MYCBP2: variants seen among roughly 807,000 people sequenced by gnomAD.
MYCBP2 encodes the protein MYC binding protein 2.
Under a neutral mutation model 525.3 loss-of-function variants are expected in MYCBP2, and 120 were observed. The observed-to-expected ratio is 0.23, with a 90% CI of 0.20 to 0.27. MYCBP2 has a LOEUF of 0.27. Among genes scored for constraint, MYCBP2 ranks in the 10% least tolerant of loss-of-function variants. The pLI, the probability that MYCBP2 is intolerant of heterozygous loss-of-function variation, is 1.00. For synonymous variants in MYCBP2, 1,894 were observed against 1,955.8 expected (o/e 0.97, Z 0.83); for missense variants, 4,149 against 5,657.1 (o/e 0.73, Z 8.55).
chr13:77,097,016 G>A (rs1281164268), intron 56 of MYCBP2, among the ~76,000 whole-genome samples: 1 of 152,096 alleles, frequency 6.6e-6, no homozygotes, highest in African/African-American at 2.4e-5. Context: ...AATTTAATTT[G>A]CAATTCTGAA....
chr13:77,217,361 G>A (rs1265540151), intron 21 of MYCBP2, among the ~76,000 whole-genome samples: 3 of 152,134 alleles, frequency 2.0e-5, no homozygotes, highest in African/African-American at 2.4e-5. Flanking sequence ...GGGAGAGAAT[G>A]TGCACAAGCG....
At position 77,326,624 on chromosome 13, in the gene MYCBP2, A is replaced by AGCCCCG; in HGVS notation, c.146_151dup (p.Gly50_Leu51insProGly). 1 of 1,561,162 alleles carries AGCCCCG rather than the reference A, an allele frequency of 6.4e-7. No homozygotes were observed. Among genetic ancestry groups the AGCCCCG allele is most frequent in the Non-Finnish European group, 8.6e-7 (1 of 1,157,168 alleles). ...GTCCGCGGCGGGTAGCCCCAGCCCC[A>AGCCCCG]GCCCCGCAGCAGCCACGGAGCCGTC... is the stretch of plus-strand genomic sequence containing the variant. On this transcript the variant is annotated inframe_insertion, in exon 1 of 83. Coordinates refer to ENST00000544440, the MANE Select transcript of MYCBP2 (RefSeq NM_015057.5). The surrounding 1 kb of genome is among the most constrained non-coding windows in gnomAD (Gnocchi z 4.2).
In MYCBP2 at chr13:77,045,195, G is replaced by A; in HGVS notation, c.*183C>T. On this transcript the variant is annotated 3_prime_UTR_variant, in exon 83 of 83. Coordinates refer to ENST00000544440, the MANE Select transcript of MYCBP2 (RefSeq NM_015057.5). ...CAAAAGAAGATAAACCAAAATAATG[G>A]GGAAACTTTTCATAGCAAGAATTAT... 1 of 481,722 alleles carries A rather than the reference G, an allele frequency of 2.1e-6. No individual in the cohort carries two copies. The highest frequency in any genetic ancestry group is 3.7e-6 in the Non-Finnish European group (1 of 272,940). The allele number at this position is 481,722 out of a possible 1,614,324, so 29.8% of individuals were successfully genotyped here.
In MYCBP2 at chr13:77,176,644, G is replaced by A; in HGVS notation, c.5341-16C>T. ...CATGTTCACTCTAAAAAAAAAAAAT[G>A]AAACACAAAAATTCCAACAGACTCT... On this transcript the variant is annotated splice_polypyrimidine_tract_variant and intron_variant, in intron 35 of 82. Coordinates refer to ENST00000544440, the MANE Select transcript of MYCBP2 (RefSeq NM_015057.5). 2 of 1,454,088 alleles carry A rather than the reference G, an allele frequency of 1.4e-6. No individual in the cohort carries two copies. Among genetic ancestry groups the A allele is most frequent in the South Asian group, 3.2e-5 (2 of 61,918 alleles). The allele number at this position is 1,454,088 out of a possible 1,614,324, so 90.1% of individuals were successfully genotyped here.
At chr13:77,273,379 G>A (rs1391370269) in intron 5 of MYCBP2, 93 bp downstream of exon 5, 2 of 1,082,964 alleles carry the variant, frequency 1.8e-6, no homozygotes, top group African/African-American at 3.2e-5. Flanking sequence ...ACTGTAATGA[G>A]TGAGAAAAAG....
At chr13:77,262,217 C>G in intron 10 of MYCBP2, 88 bp from the exon 11 acceptor site, 1 of 1,068,910 alleles carries the variant, frequency 9.4e-7, no homozygotes, top group Non-Finnish European at 1.3e-6. Context: ...ATTGCAATGT[C>G]AATTCAAAAT....
chr13:77,316,040 A>G (rs2154379280), intron 1 of MYCBP2, among the ~76,000 whole-genome samples: 1 of 152,250 alleles, frequency 6.6e-6, no homozygotes, highest in East Asian at 1.9e-4. Context: ...CTGTAAGATT[A>G]ATTTGTAGTT....
At chr13:77,061,902 G>C in intron 74 of MYCBP2, 112 bp from the exon 75 acceptor site, 2 of 1,115,248 alleles carry the variant, frequency 1.8e-6, no homozygotes, top group Non-Finnish European at 2.4e-6. Flanking sequence ...AGTCTATTAA[G>C]AATTTAGAAT....
chr13:77,046,904 A>AAT (rs2035672864), intron 82 of MYCBP2, among the ~76,000 whole-genome samples: 1 of 152,102 alleles, frequency 6.6e-6, no homozygotes, highest in Non-Finnish European at 1.5e-5. Flanking sequence ...TGCCCACCCC[A>AAT]CCAGTGGGTG....
chr13:77,250,466 T>C (rs1002138212), intron 15 of MYCBP2, among the ~76,000 whole-genome samples: 2 of 152,170 alleles, frequency 1.3e-5, no homozygotes, highest in African/African-American at 2.4e-5. Flanking sequence ...AGCCAATTAT[T>C]ACAAAGCTGA....
At chr13:77,300,536 C>T (rs942745684) in intron 1 of MYCBP2, among the ~76,000 whole-genome samples, 13 of 152,172 alleles carry the variant, frequency 8.5e-5, no homozygotes, top group African/African-American at 2.7e-4. Flanking sequence ...AATTGGGCCT[C>T]ATTGGTCTGT....
At chr13:77,278,191 T>C (rs1283675068) in intron 4 of MYCBP2, among the ~76,000 whole-genome samples, 1 of 152,224 alleles carries the variant, frequency 6.6e-6, no homozygotes, top group Non-Finnish European at 1.5e-5. Context: ...TTATTTCCTT[T>C]TCCCCTGTTT....
At position 77,097,471 on chromosome 13, in the gene MYCBP2, G is replaced by C; in HGVS notation, c.9683C>G (p.Ala3228Gly). The stretch of plus-strand genomic sequence containing the variant: ...CTCTGGTCCTCCTACTGCCAGCTGG[G>C]CCATCTCTCCAAACAAATTACCCCT... Reference protein sequence around the residue: ...RPRGNLFGEMAQLAVGGPEKD... With the variant: ...RPRGNLFGEMGQLAVGGPEKD... Residue 3228 changes from alanine to glycine, a missense_variant, in exon 56 of 83, where the codon GCC becomes GGC. Ala to Gly is a moderately conservative substitution (Grantham distance 60). Around this residue, in one of 21 missense-constraint regions of MYCBP2, gnomAD observed 653 missense variants for 744.7 expected, o/e 0.88. Transcript: ENST00000544440. 1 of 1,613,378 alleles carries C rather than the reference G, an allele frequency of 6.2e-7. No individual in the cohort carries two copies. The highest frequency in any genetic ancestry group is 1.1e-5 in the South Asian group (1 of 91,056).
At position 77,140,259 on chromosome 13, in the gene MYCBP2, G is replaced by A. The variant is rs1255771074; in HGVS notation, c.7402-96C>T. 25 of 695,350 alleles carry A rather than the reference G, an allele frequency of 3.6e-5. No homozygotes were observed. The East Asian group carries it at 4.1e-4, about 11-fold the overall frequency. The allele number at this position is 695,350 out of a possible 1,614,324, so 43.1% of individuals were successfully genotyped here. A position where few individuals can be genotyped will look rare whatever the true frequency, so the allele number is the denominator to read the frequency against. ...AAAATTAAGCAGGTTTGAAAGTATC[G>A]TAATTCTTAATAAGGTTCCAGAATT... is the stretch of plus-strand genomic sequence containing the variant. On this transcript the variant is annotated intron_variant, in intron 50 of 82. Transcript: ENST00000544440.
intron 14 of MYCBP2, among the ~76,000 whole-genome samples, chr13:77,255,990 G>A (rs570717101): frequency 4.7e-4 from 71 of 152,018 alleles, no homozygotes; most frequent in African/African-American, 1.7e-3. Flanking sequence ...AAAAATTGAG[G>A]GCAAGAAGTA....
At chr13:77,129,012 AAAAC>A (rs1227953785) in intron 52 of MYCBP2, 14 of 387,676 alleles carry the variant, frequency 3.6e-5, no homozygotes, top group African/African-American at 2.9e-4. Context: ...CAGGAGTGAG[AAAAC>A]TCAATTGCAG....
At position 77,058,337 on chromosome 13, in the gene MYCBP2, C is replaced by T. The variant is rs2038573424; in HGVS notation, c.13210G>A (p.Glu4404Lys). The T allele has an allele frequency of 1.2e-6, 2 of 1,614,064 alleles. No individual in the cohort carries two copies. Among genetic ancestry groups the T allele is most frequent in the African/African-American group, 2.7e-5 (2 of 75,018 alleles). The stretch of plus-strand genomic sequence containing the variant: ...CCGTGTAGACAGGGCAGACAGTGCT[C>T]TTCGTTTTTAACACCCCCGCATGGA... ...GHPCGGVKNE[E>K]HCLPCLHGCD... Residue 4404 changes from glutamate to lysine, a missense_variant, in exon 78 of 83, where the codon GAG (glutamate) becomes AAG (lysine). By Grantham distance (56) the Glu-to-Lys change is moderately conservative. This residue lies in a region of MYCBP2 where 220 missense variants were observed against 396.0 expected (regional missense o/e 0.56). Transcript: ENST00000544440. The surrounding 1 kb of genome is among the most constrained non-coding windows in gnomAD (Gnocchi z 4.1).
intron 26 of MYCBP2, among the ~76,000 whole-genome samples, chr13:77,200,850 T>G (rs1172297513): frequency 6.6e-6 from 1 of 151,358 alleles, no homozygotes; most frequent in Non-Finnish European, 1.5e-5. Context: ...GCTGAGAGAT[T>G]TTGTCACCAC....
rs541610219 is a variant in MYCBP2 at position 77,215,469 on chromosome 13, T to C, written c.3057+2371A>G. ...CTGGGGACTAAGTGAGAAATAAATA[T>C]ATTGATATTGTTGAGAGGAAAGATT... On this transcript the variant is annotated intron_variant, in intron 21 of 82. Coordinates refer to ENST00000544440, the MANE Select transcript of MYCBP2 (RefSeq NM_015057.5). 9.2e-5 allele frequency among the ~76,000 whole-genome samples: 14 copies of C among 152,306 alleles called. No individual in the cohort carries two copies. In the South Asian group the frequency reaches 2.9e-3, roughly 32 times the overall value.
Sources: gnomAD v4.1 joint callset for allele counts (sites outside exome capture counted in the v4.1 genomes callset) on GRCh38, gnomAD v4.1.1 for gene constraint, gnomAD v4.1.1 regional missense constraint, Gnocchi (gnomAD v3.1) non-coding constraint, MANE v1.5 for transcripts, NCBI Gene and HGNC (gene_info 2026-07-23, HGNC 2026-07-21) for gene names.